CLASP1: variants seen among roughly 807,000 people sequenced by gnomAD.
CLASP1 encodes cytoplasmic linker associated protein 1, also known as CLIP-associating protein 1.
Under a neutral mutation model 192.3 loss-of-function variants are expected in CLASP1, and 38 were observed. That is an observed-to-expected ratio of 0.20 (90% CI 0.15 to 0.26). The LOEUF is 0.26. Ranked by LOEUF, CLASP1 falls within the 10% of genes least tolerant of loss-of-function variation. The pLI, the probability that CLASP1 is intolerant of heterozygous loss-of-function variation, is 1.00. For synonymous variants in CLASP1, 691 were observed against 712.8 expected, an observed-to-expected ratio of 0.97 and a Z score of 0.49; for missense variants, 1,433 against 1,932.5, an observed-to-expected ratio of 0.74 and a Z score of 4.85.
intron 8 of CLASP1, among the ~76,000 whole-genome samples, chr2:121,471,639 C>T (rs2090754687): frequency 6.6e-6 from 1 of 152,004 alleles, no homozygotes; most frequent in Non-Finnish European, 1.5e-5. Flanking sequence ...CAACAATGCC[C>T]TCCAAATTAC....
intron 37 of CLASP1, among the ~76,000 whole-genome samples, chr2:121,361,522 C>T (rs1393508308): frequency 2.0e-5 from 3 of 152,226 alleles, no homozygotes; most frequent in Non-Finnish European, 4.4e-5. Context: ...GCTTGTCCAA[C>T]CCGTGGCCCA....
At chr2:121,521,419 G>C (rs115673583) in intron 6 of CLASP1, among the ~76,000 whole-genome samples, 21 of 152,298 alleles carry the variant, frequency 1.4e-4, no homozygotes, top group African/African-American at 4.3e-4. Context: ...TGTGGTACCG[G>C]TGCTGTGCCT....
chr2:121,351,217 A>G (rs895300289), intron 37 of CLASP1, among the ~76,000 whole-genome samples: 1 of 151,970 alleles, frequency 6.6e-6, no homozygotes, highest in African/African-American at 2.4e-5. Context: ...TACAAAACTC[A>G]CTGTCCCTCA....
At chr2:121,431,912 C>T (rs564556387) in intron 19 of CLASP1, among the ~76,000 whole-genome samples, 2 of 152,130 alleles carry the variant, frequency 1.3e-5, no homozygotes, top group East Asian at 1.9e-4. Context: ...CGATAAAGAA[C>T]GGATATACTT....
rs572004751 is a variant in CLASP1, at chr2:121,561,284, T to C, written c.196-30959A>G. 2.0e-5 allele frequency among the ~76,000 whole-genome samples: 3 copies of C among 152,360 alleles called. 1 individual carries two copies. The highest frequency in any genetic ancestry group is 7.2e-5 in the African/African-American group (3 of 41,588). On this transcript the variant is annotated intron_variant, in intron 2 of 39. Coordinates refer to ENST00000263710, the Ensembl canonical transcript of CLASP1. ...TACTATAGGTTTGATCTTTAGAAAC[T>C]ATATCTCCTTAACTACCTGGGAACC... is the stretch of plus-strand genomic sequence containing the variant.
chr2:121,412,840 A>C (rs1210533784), intron 23 of CLASP1, among the ~76,000 whole-genome samples: 1 of 152,214 alleles, frequency 6.6e-6, no homozygotes, highest in Non-Finnish European at 1.5e-5. Context: ...TTTTCGCCAG[A>C]GCAAAGTCTG....
At chr2:121,528,181 C>T (rs1172134807) in intron 4 of CLASP1, among the ~76,000 whole-genome samples, 1 of 152,178 alleles carries the variant, frequency 6.6e-6, no homozygotes, top group Non-Finnish European at 1.5e-5. Flanking sequence ...GAAAGCAAGG[C>T]CAAAGGAGCT....
At chr2:121,579,278 T>C (rs971565534) in intron 2 of CLASP1, among the ~76,000 whole-genome samples, 1 of 152,184 alleles carries the variant, frequency 6.6e-6, no homozygotes, top group Non-Finnish European at 1.5e-5. Flanking sequence ...ATGTATGGGA[T>C]TCCTTCACAT....
At chr2:121,382,611 T>C (rs138119310) in intron 32 of CLASP1, among the ~76,000 whole-genome samples, 59 of 152,296 alleles carry the variant, frequency 3.9e-4, no homozygotes, top group South Asian at 8.3e-4. Context: ...CGTGAGACTG[T>C]GTGTATATGT....
At chr2:121,492,156 G>A (rs2093337748) in intron 8 of CLASP1, among the ~76,000 whole-genome samples, 2 of 152,076 alleles carry the variant, frequency 1.3e-5, no homozygotes, top group African/African-American at 4.8e-5. Flanking sequence ...TTGGGAGGCC[G>A]AGGCGGGTAG....
intron 16 of CLASP1, among the ~76,000 whole-genome samples, chr2:121,450,356 G>A (rs1351453782): frequency 1.3e-5 from 2 of 151,948 alleles, no homozygotes; most frequent in Non-Finnish European, 2.9e-5. Flanking sequence ...TTTCCAAGGA[G>A]GTAACGAATA....
Position 121,421,333 on chromosome 2 carries a change from G to A in CLASP1, c.2213-2604C>T, listed in dbSNP as rs1339558560. Among the ~76,000 whole-genome samples the A allele has an allele frequency of 2.6e-5, 4 of 152,146 alleles. No individual in the cohort carries two copies. In the South Asian group the frequency reaches 6.2e-4, roughly 24 times the overall value. On this transcript the variant is annotated intron_variant, in intron 22 of 39. Transcript: ENST00000263710. ...AGCAATGGTGTGATCTTGACTCACT[G>A]CAACCTCCGCCTCCTGGGTTCAAGT...
chr2:121,527,720 G>T, intron 5 of CLASP1, 79 bp downstream of exon 5: 1 of 1,145,804 alleles, frequency 8.7e-7, no homozygotes, highest in Non-Finnish European at 1.3e-6. Context: ...GCAACTTCCT[G>T]TAAATCTATA....
chr2:121,388,501 A>T (rs984841224), intron 30 of CLASP1, among the ~76,000 whole-genome samples: 3 of 152,212 alleles, frequency 2.0e-5, no homozygotes, highest in African/African-American at 7.2e-5. Context: ...CTTTTGGAAA[A>T]TGTTCTACTT....
chr2:121,478,887 CCACA>C (rs772034863), intron 8 of CLASP1, among the ~76,000 whole-genome samples: 9 of 65,902 alleles, frequency 1.4e-4, no homozygotes, highest in African/African-American at 5.4e-4. Context: ...CACACACACA[CCACA>C]CACACACACC....
chr2:121,472,974 G>C (rs1324357835), intron 8 of CLASP1, among the ~76,000 whole-genome samples: 2 of 152,122 alleles, frequency 1.3e-5, no homozygotes, highest in African/African-American at 4.8e-5. Context: ...CCAAAACAAA[G>C]CATGATATTC....
intron 37 of CLASP1, among the ~76,000 whole-genome samples, chr2:121,359,435 T>A (rs2065951992): frequency 6.6e-6 from 1 of 152,222 alleles, no homozygotes; most frequent in Non-Finnish European, 1.5e-5. Flanking sequence ...TAGTATCAAT[T>A]CTCTTATTTA....
At chr2:121,600,175 A>G (rs1057218082) in intron 2 of CLASP1, among the ~76,000 whole-genome samples, 1 of 152,192 alleles carries the variant, frequency 6.6e-6, no homozygotes, top group African/African-American at 2.4e-5. Flanking sequence ...AGTTCCTGAG[A>G]TCACTCATGG....
chr2:121,480,490 C>T (rs1051517158), intron 8 of CLASP1, among the ~76,000 whole-genome samples: 1 of 152,232 alleles, frequency 6.6e-6, no homozygotes, highest in Non-Finnish European at 1.5e-5. Flanking sequence ...AGGGATGATT[C>T]TGTGCAGGAA....
Sources: allele counts gnomAD v4.1 joint callset (sites outside exome capture counted in the v4.1 genomes callset), GRCh38; gene constraint gnomAD v4.1.1; transcripts MANE v1.5; gene names NCBI Gene and HGNC (gene_info 2026-07-23, HGNC 2026-07-21).